The following RNF180 variants were observed in gnomAD, a reference collection of about 807,000 sequenced individuals.
RNF180 encodes the protein E3 ubiquitin-protein ligase RNF180.
Under a neutral mutation model 59.2 loss-of-function variants are expected in RNF180, and 38 were observed. That is an observed-to-expected ratio of 0.64 (90% CI 0.50 to 0.84). The LOEUF is 0.84. RNF180 is among the 40% of genes least tolerant of loss of function. The pLI is 0.00. For missense variants in RNF180, 705 were observed against 700.9 expected (o/e 1.01, Z -0.07); for synonymous variants, 262 against 240.3 (o/e 1.09, Z -0.84).
chr5:64,337,805 T>C (rs1745194824), intron 7 of RNF180, among the ~76,000 whole-genome samples: 1 of 152,226 alleles, frequency 6.6e-6, no homozygotes, highest in South Asian at 2.1e-4. Flanking sequence ...TGATTTCCAG[T>C]TTCATCCATG....
At chr5:64,250,651 A>C (rs575807456) in intron 5 of RNF180, among the ~76,000 whole-genome samples, 15 of 152,326 alleles carry the variant, frequency 9.8e-5, no homozygotes, top group African/African-American at 3.6e-4. Flanking sequence ...CAAATTGGAT[A>C]ACCTACAAGA....
intron 1 of RNF180, among the ~76,000 whole-genome samples, chr5:64,192,907 A>ATATATATG (rs889959708): frequency 2.0e-5 from 1 of 48,810 alleles, no homozygotes; most frequent in Non-Finnish European, 4.1e-5. Flanking sequence ...TGGCATGTAT[A>ATATATATG]TATATATATA....
rs542871049 is a variant in RNF180, at chr5:64,194,341, T to G, written c.1-6467T>G. On this transcript the variant is annotated intron_variant, in intron 1 of 7. Coordinates refer to ENST00000389100, the MANE Select transcript of RNF180 (RefSeq NM_001113561.2). Reference sequence around the variant, plus strand: ...CCTACAAAGGACAAGAACTCATCCTTTTTTATGGCTGCATAGTATTCCATG... The same window carrying G: ...CCTACAAAGGACAAGAACTCATCCTGTTTTATGGCTGCATAGTATTCCATG... Among the ~76,000 whole-genome samples the G allele has an allele frequency of 1.1e-3, 167 of 152,334 alleles. 1 individual carries two copies. Among genetic ancestry groups the G allele is most frequent in the African/African-American group, 3.8e-3 (158 of 41,558 alleles).
chr5:64,326,909 T>G (rs763632940), intron 6 of RNF180, among the ~76,000 whole-genome samples: 1 of 152,166 alleles, frequency 6.6e-6, no homozygotes, highest in Non-Finnish European at 1.5e-5. Flanking sequence ...ATTCAGTAGA[T>G]TTCGGCAGTG....
chr5:64,319,499 C>T (rs955338602), intron 5 of RNF180, among the ~76,000 whole-genome samples: 1 of 152,044 alleles, frequency 6.6e-6, no homozygotes, highest in Admixed American at 6.6e-5. Context: ...ATTGATGAAC[C>T]TAAGTCTAAG....
At chr5:64,235,027 A>T (rs1212083298) in intron 5 of RNF180, among the ~76,000 whole-genome samples, 1 of 152,242 alleles carries the variant, frequency 6.6e-6, no homozygotes, top group Non-Finnish European at 1.5e-5. Flanking sequence ...TTGTAATCCC[A>T]GTACTTTGGG....
chr5:64,317,569 T>TATATATAC (rs1561257012), intron 5 of RNF180, among the ~76,000 whole-genome samples: 1 of 146,798 alleles, frequency 6.8e-6, no homozygotes, highest in Non-Finnish European at 1.5e-5. Context: ...TACACATACA[T>TATATATAC]ATATATACAC....
At chr5:64,330,473 T>A (rs768141736) in intron 7 of RNF180, 67 bp downstream of exon 7, 8 of 1,373,448 alleles carry the variant, frequency 5.8e-6, no homozygotes, top group Middle Eastern at 1.8e-4. Flanking sequence ...TAAAAGTAAC[T>A]TCCTGCTGTC....
At chr5:64,245,006 G>A (rs1388782855) in intron 5 of RNF180, among the ~76,000 whole-genome samples, 1 of 152,150 alleles carries the variant, frequency 6.6e-6, no homozygotes, top group Admixed American at 6.5e-5. Context: ...ATAAGCAAAG[G>A]AGAAATAAAA....
chr5:64,169,415 A>C (rs979679284), intron 1 of RNF180, among the ~76,000 whole-genome samples: 3 of 152,164 alleles, frequency 2.0e-5, no homozygotes, highest in African/African-American at 7.2e-5. Flanking sequence ...AGTTTTTATC[A>C]TATCAGCTGG....
intron 5 of RNF180, among the ~76,000 whole-genome samples, chr5:64,281,100 A>G (rs1459093713): frequency 6.6e-6 from 1 of 152,180 alleles, no homozygotes; most frequent in Non-Finnish European, 1.5e-5. Flanking sequence ...ATTTCACACT[A>G]GACTCAGACA....
chr5:64,263,332 TA>T (rs1483650850), intron 5 of RNF180, among the ~76,000 whole-genome samples: 3 of 152,178 alleles, frequency 2.0e-5, no homozygotes, highest in African/African-American at 7.2e-5. Context: ...CTCCATGGTG[TA>T]AATATTCTCG....
chr5:64,344,362 C>T (rs6449716), intron 7 of RNF180, among the ~76,000 whole-genome samples: 98,663 of 151,884 alleles, frequency 0.65, 34,102 homozygotes, highest in African/African-American at 0.89. Flanking sequence ...CATTTCATGG[C>T]AATAAAAGAG....
intron 5 of RNF180, among the ~76,000 whole-genome samples, chr5:64,262,266 T>C (rs1004746882): frequency 3.9e-5 from 6 of 152,204 alleles, no homozygotes; most frequent in African/African-American, 1.4e-4. Flanking sequence ...AAGATTACTT[T>C]CTTCCCTTTG....
chr5:64,273,911 A>G (rs1211152196), intron 5 of RNF180, among the ~76,000 whole-genome samples: 1 of 152,030 alleles, frequency 6.6e-6, no homozygotes, highest in Non-Finnish European at 1.5e-5. Context: ...TAAGGTGGCC[A>G]GAAAAAAACA....
chr5:64,331,537 C>T (rs1338096635), intron 7 of RNF180, among the ~76,000 whole-genome samples: 1 of 152,164 alleles, frequency 6.6e-6, no homozygotes, highest in African/African-American at 2.4e-5. Context: ...CCACTGAGGG[C>T]TGTAGAGACA....
At chr5:64,194,720 C>T (rs1395138754) in intron 1 of RNF180, among the ~76,000 whole-genome samples, 2 of 152,206 alleles carry the variant, frequency 1.3e-5, no homozygotes, top group East Asian at 1.9e-4. Context: ...GATGGTATCT[C>T]GTTGTTTTGA....
rs1745990280 is a variant in RNF180 at position 64,355,676 on chromosome 5, G to A, written c.1580-13939G>A. Among the ~76,000 whole-genome samples the A allele has an allele frequency of 2.6e-5, 4 of 151,906 alleles. No individual in the cohort carries two copies. In the South Asian group the frequency reaches 8.3e-4, roughly 31 times the overall value. On this transcript the variant is annotated intron_variant, in intron 7 of 7. Transcript: ENST00000389100. ...ACAAAGCTACAGTAATCAAAACAGT[G>A]TAGTACTGCCATAAGAATAGACATA...
rs552231713 is a variant in RNF180 at position 64,227,508 on chromosome 5, C to T, written c.1227+10112C>T. Reference sequence around the variant, plus strand: ...CCTCAGCTGGTTGTTGGCCTTTGGTCACCCCACATGCCCTGACAGTGGGGC... The same window carrying T: ...CCTCAGCTGGTTGTTGGCCTTTGGTTACCCCACATGCCCTGACAGTGGGGC... On this transcript the variant is annotated intron_variant, in intron 5 of 7. Coordinates refer to ENST00000389100, the MANE Select transcript of RNF180 (RefSeq NM_001113561.2). Among the ~76,000 whole-genome samples the T allele has an allele frequency of 3.3e-5, 5 of 152,316 alleles. No individual in the cohort carries two copies. The East Asian group carries it at 7.8e-4, about 24-fold the overall frequency.
Sources: allele counts gnomAD v4.1 joint callset (sites outside exome capture counted in the v4.1 genomes callset), GRCh38; gene constraint gnomAD v4.1.1; transcripts MANE v1.5; gene names NCBI Gene and HGNC (gene_info 2026-07-23, HGNC 2026-07-21).